The following ANP32B variants were observed in gnomAD, a reference collection of about 807,000 sequenced individuals.
The protein encoded by ANP32B is acidic leucine-rich nuclear phosphoprotein 32 family member B.
A neutral mutation model predicts 32.2 loss-of-function variants in ANP32B; 6 were observed. The observed-to-expected ratio is 0.19, with a 90% CI of 0.10 to 0.37. The LOEUF (loss-of-function observed/expected upper bound fraction) is 0.37. Ranked by LOEUF, ANP32B falls within the 10% of genes least tolerant of loss-of-function variation. The pLI, the probability that ANP32B is intolerant of heterozygous loss-of-function variation, is 1.00. For missense variants in ANP32B, 204 were observed against 289.2 expected, an observed-to-expected ratio of 0.71 and a Z score of 2.14; for synonymous variants, 98 against 105.8, an observed-to-expected ratio of 0.93 and a Z score of 0.45.
In ANP32B at chr9:98,012,358, T is replaced by A. The variant is rs1036351153; in HGVS notation, c.637-63T>A. On this transcript the variant is annotated intron_variant, in intron 5 of 6. Coordinates refer to ENST00000339399, the MANE Select transcript of ANP32B (RefSeq NM_006401.3). The stretch of plus-strand genomic sequence containing the variant: ...GTACTTCTTAGTTTGGCAGAATTTG[T>A]ACTATATGCACTTTTCAATTTGGCA... The A allele has an allele frequency of 4.3e-5, 68 of 1,565,270 alleles. No homozygotes were observed. In the South Asian group the frequency reaches 8.1e-4, roughly 19 times the overall value.
chr9:97,991,603 A>G (rs1455562141), intron 1 of ANP32B, among the ~76,000 whole-genome samples: 1 of 152,234 alleles, frequency 6.6e-6, no homozygotes, highest in Non-Finnish European at 1.5e-5. Flanking sequence ...GTAACAGTCA[A>G]ATAAATCAGA....
chr9:98,005,901 G>A (rs1207116332), intron 4 of ANP32B, among the ~76,000 whole-genome samples: 1 of 152,220 alleles, frequency 6.6e-6, no homozygotes, highest in Non-Finnish European at 1.5e-5. Context: ...CAGGCCGCAT[G>A]AGCAGTGAGG....
chr9:98,000,958 T>A, intron 3 of ANP32B, among the ~76,000 whole-genome samples: 1 of 151,868 alleles, frequency 6.6e-6, no homozygotes, highest in East Asian at 1.9e-4. Flanking sequence ...TCTGCTGTGT[T>A]TTCCATAGCC....
At chr9:97,997,040 A>G (rs959094437) in intron 2 of ANP32B, among the ~76,000 whole-genome samples, 1 of 152,192 alleles carries the variant, frequency 6.6e-6, no homozygotes, top group African/African-American at 2.4e-5. Flanking sequence ...GTTTTGGTAG[A>G]TTGCCTTGTT....
chr9:97,987,813 G>A (rs1392046717), intron 1 of ANP32B, among the ~76,000 whole-genome samples: 1 of 151,838 alleles, frequency 6.6e-6, no homozygotes, highest in African/African-American at 2.4e-5. Context: ...ATCTTTTTTT[G>A]ATCCGCACCC....
At chr9:98,014,453 A>AT (rs1487174318) in intron 6 of ANP32B, among the ~76,000 whole-genome samples, 2 of 152,206 alleles carry the variant, frequency 1.3e-5, no homozygotes, top group African/African-American at 2.4e-5. Context: ...CATATAGTTA[A>AT]TTTCATTAAA....
intron 5 of ANP32B, among the ~76,000 whole-genome samples, chr9:98,011,825 G>A (rs2131592804): frequency 6.6e-6 from 1 of 152,268 alleles, no homozygotes; most frequent in East Asian, 1.9e-4. Flanking sequence ...AAAATGAAAT[G>A]AGATTGTGGT....
intron 4 of ANP32B, among the ~76,000 whole-genome samples, chr9:98,006,647 C>T (rs934701387): frequency 2.6e-5 from 4 of 152,212 alleles, no homozygotes; most frequent in African/African-American, 9.7e-5. Flanking sequence ...TCCAAGCCCA[C>T]TTTGTATAAT....
intron 3 of ANP32B, among the ~76,000 whole-genome samples, chr9:97,999,477 G>A (rs565466648): frequency 5.9e-5 from 9 of 152,244 alleles, no homozygotes; most frequent in Admixed American, 3.9e-4. Flanking sequence ...GATTACAGTT[G>A]CCTAGAGTTT....
intron 3 of ANP32B, among the ~76,000 whole-genome samples, chr9:98,000,383 T>A (rs1334256560): frequency 6.6e-6 from 1 of 152,218 alleles, no homozygotes; most frequent in Non-Finnish European, 1.5e-5. Flanking sequence ...CCCTTTTTCC[T>A]ATTACAGGTA....
intron 2 of ANP32B, among the ~76,000 whole-genome samples, chr9:97,997,641 T>C (rs1234818889): frequency 1.3e-5 from 2 of 152,220 alleles, no homozygotes; most frequent in Non-Finnish European, 2.9e-5. Context: ...TGAGTTAAGG[T>C]ATTTCTAGTG....
At chr9:98,013,184 G>C (rs1171967022) in intron 6 of ANP32B, among the ~76,000 whole-genome samples, 1 of 152,142 alleles carries the variant, frequency 6.6e-6, no homozygotes, top group East Asian at 1.9e-4. Flanking sequence ...CACCACACTT[G>C]GCTAATTTTT....
chr9:98,000,116 A>G (rs573995842), intron 3 of ANP32B, among the ~76,000 whole-genome samples: 1 of 152,260 alleles, frequency 6.6e-6, no homozygotes, highest in South Asian at 2.1e-4. Flanking sequence ...ATACAGATTT[A>G]ATTACCTTTT....
At chr9:97,986,969 T>A (rs1320561134) in intron 1 of ANP32B, among the ~76,000 whole-genome samples, 1 of 152,252 alleles carries the variant, frequency 6.6e-6, no homozygotes, top group African/African-American at 2.4e-5. Flanking sequence ...TGGCTTTTTT[T>A]TAATTACTGG....
intron 4 of ANP32B, among the ~76,000 whole-genome samples, chr9:98,006,820 C>A (rs1828093318): frequency 6.6e-6 from 1 of 152,050 alleles, no homozygotes; most frequent in African/African-American, 2.4e-5. Flanking sequence ...GAAACCCTGG[C>A]TCTGCAAAAA....
rs148733294 is a variant in ANP32B at position 98,001,149 on chromosome 9, A to G, written c.327+2471A>G. On this transcript the variant is annotated intron_variant, in intron 3 of 6. Transcript: ENST00000339399. ...ATACTAATCCTAGGTTGTGAGCATAAGAAACCCTTCTCCCCGCCACCCCCC... is the reference window on the plus strand; with the variant it reads ...ATACTAATCCTAGGTTGTGAGCATAGGAAACCCTTCTCCCCGCCACCCCCC... Among the ~76,000 whole-genome samples, 36 of 151,664 alleles carry G rather than the reference A, an allele frequency of 2.4e-4. 1 individual carries two copies. The highest frequency in any genetic ancestry group is 8.0e-4 in the African/African-American group (33 of 41,314).
In ANP32B at chr9:98,011,322, TTGA is replaced by T; in HGVS notation, c.573_575del (p.Asp191del). 1 of 1,549,646 alleles carries T rather than the reference TTGA, an allele frequency of 6.5e-7. No homozygotes were observed. Among genetic ancestry groups the T allele is most frequent in the Non-Finnish European group, 8.7e-7 (1 of 1,143,630 alleles). On this transcript the variant is annotated inframe_deletion, in exon 5 of 7. Coordinates refer to ENST00000339399, the MANE Select transcript of ANP32B (RefSeq NM_006401.3). The stretch of plus-strand genomic sequence containing the variant: ...GATGAGGATGGTGAAGAAGAGGAGT[TTGA>T]TGAAGAAGATGATGAAGATGAAGAT...
intron 1 of ANP32B, among the ~76,000 whole-genome samples, chr9:97,990,985 C>T (rs549480470): frequency 6.6e-6 from 1 of 151,338 alleles, no homozygotes. Flanking sequence ...ATGCCCGGCA[C>T]ATTTTTTTGT....
chr9:97,986,763 G>A (rs1208736680), intron 1 of ANP32B: 2 of 152,210 alleles, frequency 1.3e-5, no homozygotes, highest in African/African-American at 4.8e-5. Context: ...GGGGTAACAT[G>A]AAGAATCGTT....
Sources: gnomAD v4.1 joint callset for allele counts (sites outside exome capture counted in the v4.1 genomes callset) on GRCh38, gnomAD v4.1.1 for gene constraint, MANE v1.5 for transcripts, NCBI Gene and HGNC (gene_info 2026-07-23, HGNC 2026-07-21) for gene names.